Variants in CNGB1 observed in about 807,000 individuals in gnomAD.
CNGB1 encodes cyclic nucleotide gated channel subunit beta 1, also known as cyclic nucleotide-gated channel beta-1.
In CNGB1, 126 loss-of-function variants were observed where a neutral mutation model predicts 151.7. That is an observed-to-expected ratio of 0.83 (90% CI 0.72 to 0.96). CNGB1 has a LOEUF of 0.96. CNGB1 is among the 40% of genes least tolerant of loss of function. The pLI is 0.00. For missense variants in CNGB1, 1,698 were observed against 1,627.0 expected, an observed-to-expected ratio of 1.04 and a Z score of -0.75; for synonymous variants, 623 against 635.1, an observed-to-expected ratio of 0.98 and a Z score of 0.29.
chr16:57,970,760 C>T (rs1962521123), intron 1 of CNGB1, among the ~76,000 whole-genome samples: 1 of 152,144 alleles, frequency 6.6e-6, no homozygotes, highest in African/African-American at 2.4e-5. Context: ...GGAAGGGGGA[C>T]CCACGAGTGG....
rs1409667161 is a variant in CNGB1 at position 57,884,072 on chromosome 16, G to T, written c.*92C>A. ...ACGGAAAAGCATCTTCTCTTGAGCC[G>T]TGGGGGAAGGTGGGGCGCTGGGGCG... On this transcript the variant is annotated 3_prime_UTR_variant, in exon 33 of 33. Transcript: ENST00000251102. The T allele has an allele frequency of 1.3e-6, 2 of 1,570,202 alleles. No individual in the cohort carries two copies. The highest frequency in any genetic ancestry group is 2.2e-5 in the East Asian group (1 of 44,642).
intron 12 of CNGB1, among the ~76,000 whole-genome samples, chr16:57,951,327 C>A (rs1490607597): frequency 2.0e-5 from 3 of 152,158 alleles, no homozygotes; most frequent in African/African-American, 7.2e-5. Flanking sequence ...TCTTGGTGGA[C>A]CTCAGCCAAA....
In CNGB1 at chr16:57,964,506, C is replaced by A. The variant is rs1183891705; in HGVS notation, c.198G>T (p.Val66=). The A allele has an allele frequency of 1.2e-6, 2 of 1,614,046 alleles. No homozygotes were observed. Among genetic ancestry groups the A allele is most frequent in the Non-Finnish European group, 1.7e-6 (2 of 1,180,036 alleles). ...ACTCACCCTGAGGGCTTGGGTCTGC[C>A]ACAGCCACTTCCTCCTCCTTGAATG... ...EESFKEEEVA[V]ADPSPQETKE... Residue 66 remains valine (V), a synonymous_variant, in exon 3 of 33, where the codon GTG becomes GTT. Transcript: ENST00000251102.
rs1407655769 is a variant in CNGB1 at position 57,904,062 on chromosome 16, A to G, written c.2635-81T>C. 5.2e-6 allele frequency: 7 copies of G among 1,355,766 alleles called. No individual in the cohort carries two copies. In the East Asian group the frequency reaches 1.4e-4, roughly 28 times the overall value. 84.0% of individuals were successfully genotyped at this position (1,355,766 alleles called of 1,614,324 possible). Reference sequence around the variant, plus strand: ...CTATTCCATGGATTTGGGATGTGTCACTTCACACAGACCACGGGCATGTGC... The same window carrying G: ...CTATTCCATGGATTTGGGATGTGTCGCTTCACACAGACCACGGGCATGTGC... On this transcript the variant is annotated intron_variant, in intron 26 of 32. Transcript: ENST00000251102.
intron 19 of CNGB1, among the ~76,000 whole-genome samples, chr16:57,919,581 C>A (rs114036962): frequency 0.045 from 6,851 of 152,184 alleles, 505 homozygotes; most frequent in African/African-American, 0.15. Flanking sequence ...TGTGCTTAGA[C>A]CCCCTTTGTT....
intron 29 of CNGB1, among the ~76,000 whole-genome samples, chr16:57,900,139 G>A (rs1355017600): frequency 6.6e-6 from 1 of 152,182 alleles, no homozygotes; most frequent in Non-Finnish European, 1.5e-5. Context: ...TCCATAAGAT[G>A]AGCAGGACTC....
intron 1 of CNGB1, among the ~76,000 whole-genome samples, chr16:57,970,110 G>A (rs974191865): frequency 6.6e-6 from 1 of 152,180 alleles, no homozygotes. Context: ...GGCTGTGGTG[G>A]GAACACAGCT....
intron 17 of CNGB1, among the ~76,000 whole-genome samples, chr16:57,926,644 A>G (rs1428842799): frequency 6.6e-6 from 1 of 152,236 alleles, no homozygotes; most frequent in Non-Finnish European, 1.5e-5. Flanking sequence ...CCCAAAGTCC[A>G]TCCTCCTGTG....
chr16:57,888,190 ATTG>A, intron 31 of CNGB1, 116 bp from the exon 32 acceptor site: 1 of 1,107,528 alleles, frequency 9.0e-7, no homozygotes, highest in Non-Finnish European at 1.3e-6. Flanking sequence ...TTGGCTGGTG[ATTG>A]TAGAGAGTTT....
At chr16:57,916,400 G>A (rs543995145) in intron 21 of CNGB1, among the ~76,000 whole-genome samples, 1 of 152,294 alleles carries the variant, frequency 6.6e-6, no homozygotes, top group East Asian at 1.9e-4. Flanking sequence ...CTGATTTCTT[G>A]GGTGGAAAGC....
Position 57,959,895 on chromosome 16 carries a change from G to A in CNGB1, c.754C>T (p.Pro252Ser), listed in dbSNP as rs376064855. The part of the protein sequence containing the change: ...QTSSLPPTRD[P>S]ARLVAWVLHR... ...GCATTGAGGGTGGCTCACCTGGCAG[G>A]GTCCCTGGTTGGTGGCAGGGAGGAG... The change falls in exon 10 of 33, where the codon CCT (proline) becomes TCT (serine). Residue 252 changes from proline to serine, a missense_variant. Transcript: ENST00000251102. 2.0e-6 allele frequency: 3 copies of A among 1,535,702 alleles called. No individual in the cohort carries two copies. The highest frequency in any genetic ancestry group is 2.7e-5 in the African/African-American group (2 of 72,948).
Position 57,888,051 on chromosome 16 carries a change from T to C in CNGB1, c.3266A>G (p.Lys1089Arg). ...CAGCACGCTCTTCTCCTCCTTGGGC[T>C]TATTGTTGCTTCTCAGCATGCGCCT... ...KARRMLRSNN[K>R]PKEEKSVLIL... Residue 1089 changes from lysine (K) to arginine (R), a missense_variant, in exon 32 of 33, where the codon AAG (lysine) becomes AGG (arginine). Coordinates refer to ENST00000251102, the MANE Select transcript of CNGB1 (RefSeq NM_001297.5). 6.2e-7 allele frequency: 1 copy of C among 1,614,044 alleles called. No homozygotes were observed. The highest frequency in any genetic ancestry group is 8.5e-7 in the Non-Finnish European group (1 of 1,180,018).
At chr16:57,923,218 A>AAACC in intron 18 of CNGB1, 55 bp downstream of exon 18, 8 of 1,082,598 alleles carry the variant, frequency 7.4e-6, no homozygotes, top group African/African-American at 1.6e-5. Flanking sequence ...GCCCCCCCAC[A>AAACC]TCCCCCACCC....
rs917610022 is a variant in CNGB1 at position 57,894,961 on chromosome 16, G to A, written c.3242+2436C>T. The stretch of plus-strand genomic sequence containing the variant: ...AGAACGACTCCAGATAACTTTGAAC[G>A]TAACACTTCCATCATATATACTCGG... On this transcript the variant is annotated intron_variant, in intron 31 of 32. Transcript: ENST00000251102. Among the ~76,000 whole-genome samples, 20 of 152,156 alleles carry A rather than the reference G, an allele frequency of 1.3e-4. No individual in the cohort carries two copies. In the East Asian group the frequency reaches 3.1e-3, roughly 23 times the overall value.
chr16:57,934,953 T>C (rs1249944726), intron 16 of CNGB1, among the ~76,000 whole-genome samples: 4 of 121,538 alleles, frequency 3.3e-5, no homozygotes, highest in Admixed American at 8.5e-5. Flanking sequence ...CCAGATTCTG[T>C]CTCAAAAAAA....
chr16:57,923,340 T>C lies in CNGB1; in HGVS notation c.1576A>G (p.Lys526Glu), dbSNP rs1329696898. Reference protein sequence around the residue: ...PSEDDEAEELKALSPAESPVV... With the variant: ...PSEDDEAEELEALSPAESPVV... ...GGGGACTCTGCTGGTGACAACGCCT[T>C]GAGCTCTTCAGCCTCATCATCCTCA... The change falls in exon 18 of 33, where the codon AAG becomes GAG. Residue 526 changes from lysine to glutamate, a missense_variant. Coordinates refer to ENST00000251102, the MANE Select transcript of CNGB1 (RefSeq NM_001297.5). The C allele has an allele frequency of 6.2e-7, 1 of 1,613,436 alleles. No homozygotes were observed. The highest frequency in any genetic ancestry group is 2.2e-5 in the East Asian group (1 of 44,810).
intron 18 of CNGB1, 40 bp downstream of exon 18, chr16:57,923,233 C>CCCCCA: frequency 1.4e-6 from 2 of 1,406,954 alleles, no homozygotes; most frequent in Admixed American, 1.7e-5. Flanking sequence ...CCACCCTCCC[C>CCCCCA]GCAGTCTTTC....
At chr16:57,931,946 G>A (rs529580616) in intron 16 of CNGB1, 68 bp from the exon 17 acceptor site, 1 of 1,543,418 alleles carries the variant, frequency 6.5e-7, no homozygotes, top group Admixed American at 1.7e-5. Flanking sequence ...GTCCAGCTGT[G>A]TTCTTGAAGA....
chr16:57,940,151 G>A (rs1961626335), intron 15 of CNGB1, 83 bp downstream of exon 15: 1 of 1,364,822 alleles, frequency 7.3e-7, no homozygotes, highest in Non-Finnish European at 1.0e-6. Context: ...AACTCCCCCT[G>A]TAAGCAAAGT....
Sources: allele counts gnomAD v4.1 joint callset (sites outside exome capture counted in the v4.1 genomes callset), GRCh38; gene constraint gnomAD v4.1.1; transcripts MANE v1.5; gene names NCBI Gene and HGNC (gene_info 2026-07-23, HGNC 2026-07-21).